RIN2: variants seen among roughly 807,000 people sequenced by gnomAD.
The protein encoded by RIN2 is RAB5 interacting protein 2.
In RIN2, 36 loss-of-function variants were observed where a neutral mutation model predicts 78.0. The observed-to-expected ratio is 0.46, with a 90% CI of 0.35 to 0.61. The LOEUF (loss-of-function observed/expected upper bound fraction) is 0.61, where lower values mean the gene tolerates loss of function less well. RIN2 is among the 20% of genes least tolerant of loss of function. RIN2 has a pLI of 0.00. For synonymous variants in RIN2, 466 were observed against 466.8 expected, an observed-to-expected ratio of 1.00 and a Z score of 0.02; for missense variants, 1,087 against 1,159.7, an observed-to-expected ratio of 0.94 and a Z score of 0.91.
At chr20:19,962,214 A>G (rs1194932513) in intron 6 of RIN2, among the ~76,000 whole-genome samples, 1 of 151,620 alleles carries the variant, frequency 6.6e-6, no homozygotes, top group African/African-American at 2.4e-5. Flanking sequence ...CTGAGGTGGG[A>G]TCACTTAAGT....
At chr20:19,826,166 A>G (rs931525187) in intron 2 of RIN2, among the ~76,000 whole-genome samples, 1 of 152,202 alleles carries the variant, frequency 6.6e-6, no homozygotes, top group African/African-American at 2.4e-5. Context: ...TTTCTAAACA[A>G]TGTACTCTGT....
At chr20:19,951,740 G>T (rs1340591102) in intron 4 of RIN2, among the ~76,000 whole-genome samples, 2 of 152,152 alleles carry the variant, frequency 1.3e-5, no homozygotes, top group Admixed American at 1.3e-4. Flanking sequence ...GCTCAGAAAG[G>T]GACCTGAGCA....
Position 19,975,681 on chromosome 20 carries a change from C to G in RIN2, c.1656C>G (p.Asp552Glu). Residue 552 changes from aspartate to glutamate, a missense_variant, in exon 9 of 13, where the codon GAC (aspartate) becomes GAG (glutamate). Physicochemically the swap from Asp to Glu is conservative, Grantham distance 45. Around this residue, in one of 8 missense-constraint regions of RIN2, gnomAD observed 5 missense variants for 22.8 expected, o/e 0.22. Coordinates refer to ENST00000255006, the MANE Select transcript of RIN2 (RefSeq NM_018993.4). This position sits in a 1 kb window ranked among gnomAD's most constrained non-coding sequence, Gnocchi z 4.9. ...ENKECHVSST[D>E]MLQTIRQFMT... ...AGGAGTGCCACGTGTCCAGCACCGACATGCTGCAGACCATCCGGCAGTTCA... is the reference window on the plus strand; with the variant it reads ...AGGAGTGCCACGTGTCCAGCACCGAGATGCTGCAGACCATCCGGCAGTTCA... 6.2e-7 allele frequency: 1 copy of G among 1,613,696 alleles called. No individual in the cohort carries two copies. The highest frequency in any genetic ancestry group is 8.5e-7 in the Non-Finnish European group (1 of 1,179,904).
At chr20:19,861,881 G>A (rs559936144) in intron 2 of RIN2, among the ~76,000 whole-genome samples, 12 of 150,084 alleles carry the variant, frequency 8.0e-5, no homozygotes, top group African/African-American at 2.7e-4. Flanking sequence ...CTCCATACCT[G>A]ATGATCACCC....
chr20:19,934,437 T>C (rs1277640562), intron 3 of RIN2: 26 of 982,042 alleles, frequency 2.6e-5, no homozygotes, highest in Middle Eastern at 5.2e-4. Flanking sequence ...GGTGCATGGA[T>C]AGGTGGGGAT....
Position 19,975,604 on chromosome 20 carries a change from A to T in RIN2, c.1579A>T (p.Thr527Ser), listed in dbSNP as rs1209960080. Residue 527 changes from threonine (T) to serine (S), a missense_variant, in exon 9 of 13, where the codon ACC (threonine) becomes TCC (serine). By Grantham distance (58) the Thr-to-Ser change is moderately conservative (BLOSUM62 1). Transcript: ENST00000255006. This position sits in a 1 kb window ranked among gnomAD's most constrained non-coding sequence, Gnocchi z 4.9. ...CGCCGAGCTTTCCCGGGACAAATGC[A>T]CCTACTTCGGGTGCTTAGTGCAGGA... Reference protein sequence around the residue: ...RIAELSRDKCTYFGCLVQDYV... With the variant: ...RIAELSRDKCSYFGCLVQDYV... 1 of 1,613,802 alleles carries T rather than the reference A, an allele frequency of 6.2e-7. No individual in the cohort carries two copies. The highest frequency in any genetic ancestry group is 8.5e-7 in the Non-Finnish European group (1 of 1,179,902).
At chr20:19,775,749 A>G (rs1340531817) in intron 1 of RIN2, among the ~76,000 whole-genome samples, 2 of 152,206 alleles carry the variant, frequency 1.3e-5, no homozygotes, top group Non-Finnish European at 2.9e-5. Context: ...ACAGAGTCCA[A>G]ACTCCTAAGT....
At chr20:19,900,123 G>GT (rs562278509) in intron 3 of RIN2, among the ~76,000 whole-genome samples, 149 of 152,272 alleles carry the variant, frequency 9.8e-4, no homozygotes, top group Non-Finnish European at 1.7e-3. Context: ...ATGAATGTGG[G>GT]TTTTTTGGTT....
chr20:20,000,383 T>C (rs2043106698), intron 12 of RIN2, among the ~76,000 whole-genome samples: 1 of 152,236 alleles, frequency 6.6e-6, no homozygotes, highest in African/African-American at 2.4e-5. Flanking sequence ...CAGGGCTGCA[T>C]GGACTTCCTG....
chr20:19,860,709 G>A (rs562216730), intron 2 of RIN2, among the ~76,000 whole-genome samples: 1 of 152,342 alleles, frequency 6.6e-6, no homozygotes, highest in African/African-American at 2.4e-5. Context: ...TCCCCATGGA[G>A]TCTGGATGGT....
At chr20:19,841,184 G>C (rs2036565055) in intron 2 of RIN2, among the ~76,000 whole-genome samples, 1 of 152,006 alleles carries the variant, frequency 6.6e-6, no homozygotes, top group African/African-American at 2.4e-5. Context: ...TTGGCCTCAA[G>C]TGTTCCTTCC....
chr20:19,769,663 C>A (rs2034037739), intron 1 of RIN2, among the ~76,000 whole-genome samples: 1 of 152,196 alleles, frequency 6.6e-6, no homozygotes, highest in Non-Finnish European at 1.5e-5. Flanking sequence ...CTACCAGTGA[C>A]AAACCACTAG....
At chr20:19,952,207 A>G (rs1354707933) in intron 4 of RIN2, among the ~76,000 whole-genome samples, 2 of 152,216 alleles carry the variant, frequency 1.3e-5, no homozygotes, top group Non-Finnish European at 2.9e-5. Context: ...GAAAGTACAT[A>G]TCAGTATGTC....
At chr20:19,825,043 G>GTCACC in intron 2 of RIN2, among the ~76,000 whole-genome samples, 1 of 152,302 alleles carries the variant, frequency 6.6e-6, no homozygotes, top group Non-Finnish European at 1.5e-5. Context: ...GGCCCGCCTT[G>GTCACC]TCACCAGTGG....
intron 2 of RIN2, among the ~76,000 whole-genome samples, chr20:19,848,673 C>T (rs368204771): frequency 4.7e-4 from 59 of 124,942 alleles, no homozygotes; most frequent in African/African-American, 1.4e-3. Flanking sequence ...GTTTTTTTTT[C>T]ACAGTACATA....
intron 2 of RIN2, among the ~76,000 whole-genome samples, chr20:19,839,280 G>A (rs892985816): frequency 3.9e-5 from 6 of 152,242 alleles, no homozygotes; most frequent in Non-Finnish European, 7.3e-5. Context: ...TAAAGGCCAG[G>A]ATGGGACCTC....
intron 9 of RIN2, among the ~76,000 whole-genome samples, chr20:19,981,037 G>A (rs542103744): frequency 4.0e-5 from 6 of 151,722 alleles, no homozygotes; most frequent in South Asian, 4.2e-4. Flanking sequence ...CCTCGTGGGC[G>A]GCCCTGTGTG....
At chr20:19,823,468 G>A in intron 2 of RIN2, 2 of 793,032 alleles carry the variant, frequency 2.5e-6, no homozygotes, top group Non-Finnish European at 4.5e-6. Context: ...GCATTCTACA[G>A]CACCACTGTT....
chr20:19,978,283 G>T (rs1235053949), intron 9 of RIN2, among the ~76,000 whole-genome samples: 5 of 152,198 alleles, frequency 3.3e-5, no homozygotes, highest in Non-Finnish European at 7.3e-5. Flanking sequence ...AAGAAGGTAG[G>T]AGGAGATAAT....
Sources: gnomAD v4.1 joint callset for allele counts (sites outside exome capture counted in the v4.1 genomes callset) on GRCh38, gnomAD v4.1.1 for gene constraint, gnomAD v4.1.1 regional missense constraint, Gnocchi (gnomAD v3.1) non-coding constraint, MANE v1.5 for transcripts, NCBI Gene and HGNC (gene_info 2026-07-23, HGNC 2026-07-21) for gene names.